KRCC1: variants seen among roughly 807,000 people sequenced by gnomAD.
The protein encoded by KRCC1 is lysine-rich coiled-coil protein 1.
In KRCC1, 3 loss-of-function variants were observed where a neutral mutation model predicts 7.4. The ratio of observed to expected loss-of-function variants is 0.40; its 90% CI spans 0.18 to 1.04. The LOEUF is 1.04. Ranked by LOEUF, KRCC1 falls within the 50% of genes least tolerant of loss-of-function variation. The probability of loss-of-function intolerance (pLI) is 0.33; values close to 1 mark genes in which losing one functional copy is unlikely to be tolerated. For synonymous variants in KRCC1, 102 were observed against 101.6 expected (o/e 1.00, Z -0.02); for missense variants, 277 against 300.9 (o/e 0.92, Z 0.59).
At chr2:88,051,395 A>G (rs980193185) in intron 1 of KRCC1, among the ~76,000 whole-genome samples, 1 of 146,060 alleles carries the variant, frequency 6.8e-6, no homozygotes, top group Non-Finnish European at 1.6e-5. Context: ...ATAACTGGAA[A>G]CATGACAATT....
intron 1 of KRCC1, among the ~76,000 whole-genome samples, chr2:88,046,867 T>C (rs921202200): frequency 6.6e-6 from 1 of 152,044 alleles, no homozygotes; most frequent in Admixed American, 6.6e-5. Flanking sequence ...AGACATGAGG[T>C]CTTGCTTTGT....
intron 1 of KRCC1, among the ~76,000 whole-genome samples, chr2:88,039,471 G>A (rs1430517723): frequency 6.6e-6 from 1 of 152,032 alleles, no homozygotes; most frequent in Non-Finnish European, 1.5e-5. Context: ...CGGATTACTT[G>A]AGCCCAGGAG....
chr2:88,028,142 G>A lies in KRCC1; in HGVS notation c.422C>T (p.Ser141Phe). ...GVEHRVYKHF[S>F]SDNSTSTHQA... ...ATGAGTACTGGTACTGTTATCTGAG[G>A]AGAAGTGCTTGTAAACTCTATGTTC... The change falls in exon 4 of 4, where the codon TCC becomes TTC. Residue 141 changes from serine (S) to phenylalanine (F), a missense_variant. Physicochemically the swap from Ser to Phe is radical, Grantham distance 155 (BLOSUM62 -2). Transcript: ENST00000347055. 6.2e-7 allele frequency: 1 copy of A among 1,614,050 alleles called. No individual in the cohort carries two copies. Among genetic ancestry groups the A allele is most frequent in the Non-Finnish European group, 8.5e-7 (1 of 1,180,014 alleles).
rs1672918776 is a variant in KRCC1 at position 88,028,288 on chromosome 2, A to G, written c.276T>C (p.His92=). Residue 92 remains histidine, a synonymous_variant, in exon 4 of 4, where the codon CAT becomes CAC. Coordinates refer to ENST00000347055, the MANE Select transcript of KRCC1 (RefSeq NM_016618.3). ...GAGAGTCTAGTCTCAATCTGCTGTC[A>G]TGGGCTGGTAACCACTGAGGCAACC... The part of the protein sequence containing the change: ...ENRLPQWLPA[H]DSRLRLDSLS... The G allele has an allele frequency of 3.1e-6, 5 of 1,614,084 alleles. No individual in the cohort carries two copies. The highest frequency in any genetic ancestry group is 1.6e-4 in the Middle Eastern group (1 of 6,084).
At chr2:88,031,776 A>C (rs1363481481) in intron 3 of KRCC1, among the ~76,000 whole-genome samples, 2 of 152,178 alleles carry the variant, frequency 1.3e-5, no homozygotes, top group African/African-American at 2.4e-5. Flanking sequence ...AAAAAAATTT[A>C]AAAGTTTATA....
intron 1 of KRCC1, among the ~76,000 whole-genome samples, chr2:88,050,591 C>A (rs1020284320): frequency 2.0e-5 from 3 of 152,142 alleles, no homozygotes; most frequent in Non-Finnish European, 2.9e-5. Context: ...CCACTGCACT[C>A]TAGCCTGGAT....
At chr2:88,043,824 C>G (rs1029931153) in intron 1 of KRCC1, among the ~76,000 whole-genome samples, 1 of 152,110 alleles carries the variant, frequency 6.6e-6, no homozygotes, top group Non-Finnish European at 1.5e-5. Flanking sequence ...CATGTGCCAG[C>G]AAGCCCAGCT....
intron 1 of KRCC1, among the ~76,000 whole-genome samples, chr2:88,051,066 A>G (rs909379345): frequency 1.3e-5 from 2 of 151,574 alleles, no homozygotes; most frequent in Admixed American, 6.6e-5. Context: ...TGGGACTACA[A>G]GCATGCGGGG....
At chr2:88,044,736 A>C (rs1402007884) in intron 1 of KRCC1, among the ~76,000 whole-genome samples, 1 of 152,210 alleles carries the variant, frequency 6.6e-6, no homozygotes, top group Non-Finnish European at 1.5e-5. Flanking sequence ...CTACACTCTC[A>C]CTAGAATGAT....
At chr2:88,054,103 T>C (rs930854649) in intron 1 of KRCC1, among the ~76,000 whole-genome samples, 3 of 152,236 alleles carry the variant, frequency 2.0e-5, no homozygotes, top group Non-Finnish European at 4.4e-5. Flanking sequence ...AGAACTATTA[T>C]AGTAAGAACT....
At chr2:88,053,216 G>C (rs755116078) in intron 1 of KRCC1, among the ~76,000 whole-genome samples, 1 of 151,814 alleles carries the variant, frequency 6.6e-6, no homozygotes. Flanking sequence ...GACTTACTCA[G>C]GGTCATTTAG....
At chr2:88,055,523 C>T (rs1349074776) in intron 1 of KRCC1, 103 bp downstream of exon 1, 1 of 152,048 alleles carries the variant, frequency 6.6e-6, no homozygotes, top group Non-Finnish European at 1.5e-5. Flanking sequence ...ATTTCGCACA[C>T]TCGGGGCGCG....
intron 2 of KRCC1, among the ~76,000 whole-genome samples, 159 bp from the exon 3 acceptor site, chr2:88,034,451 A>G (rs1181329469): frequency 1.3e-5 from 2 of 152,192 alleles, no homozygotes; most frequent in Non-Finnish European, 2.9e-5. Context: ...AAAAATGTTT[A>G]AACATACTTT....
chr2:88,043,611 G>A (rs1175953345), intron 1 of KRCC1, among the ~76,000 whole-genome samples: 2 of 152,194 alleles, frequency 1.3e-5, no homozygotes, highest in African/African-American at 2.4e-5. Context: ...AACCTGTCCT[G>A]TAACACTTTT....
chr2:88,027,470 C>A lies in KRCC1; in HGVS notation c.*314G>T. On this transcript the variant is annotated 3_prime_UTR_variant, in exon 4 of 4. Coordinates refer to ENST00000347055, the MANE Select transcript of KRCC1 (RefSeq NM_016618.3). ...ACAGATTGTGCAAAGGTCATTAATC[C>A]TCCAATTTAAAATAAATAACCTCCC... is the stretch of plus-strand genomic sequence containing the variant. 1 of 242,794 alleles carries A rather than the reference C, an allele frequency of 4.1e-6. No individual in the cohort carries two copies. Among genetic ancestry groups the A allele is most frequent in the Non-Finnish European group, 7.9e-6 (1 of 127,110 alleles). 15.0% of individuals were successfully genotyped at this position (242,794 alleles called of 1,614,324 possible). A position where few individuals can be genotyped will look rare whatever the true frequency, so the allele number is the denominator to read the frequency against.
At chr2:88,043,352 CATT>C (rs1372667959) in intron 1 of KRCC1, among the ~76,000 whole-genome samples, 1 of 152,184 alleles carries the variant, frequency 6.6e-6, no homozygotes, top group Non-Finnish European at 1.5e-5. Context: ...TATAAAAAGT[CATT>C]ATTTAATCTC....
At chr2:88,030,205 C>T (rs1264476296) in intron 3 of KRCC1, among the ~76,000 whole-genome samples, 1 of 148,130 alleles carries the variant, frequency 6.8e-6, no homozygotes, top group East Asian at 2.1e-4. Context: ...GGCATATATC[C>T]CATGTAGAAC....
At chr2:88,038,746 A>C (rs1003412428) in intron 1 of KRCC1, among the ~76,000 whole-genome samples, 1 of 152,188 alleles carries the variant, frequency 6.6e-6, no homozygotes, top group African/African-American at 2.4e-5. Flanking sequence ...GGTGGTAGGA[A>C]GGAGAAGTGC....
chr2:88,051,396 C>T (rs1241120335), intron 1 of KRCC1, among the ~76,000 whole-genome samples: 1 of 152,040 alleles, frequency 6.6e-6, no homozygotes, highest in Non-Finnish European at 1.5e-5. Flanking sequence ...TAACTGGAAA[C>T]ATGACAATTC....
Sources: gnomAD v4.1 joint callset for allele counts (sites outside exome capture counted in the v4.1 genomes callset) on GRCh38, gnomAD v4.1.1 for gene constraint, MANE v1.5 for transcripts, NCBI Gene and HGNC (gene_info 2026-07-23, HGNC 2026-07-21) for gene names.